Variants in PPFIBP1 observed in about 807,000 individuals in gnomAD.
PPFIBP1 encodes the protein liprin-beta-1.
In PPFIBP1, 112 loss-of-function variants were observed where a neutral mutation model predicts 137.8. That is an observed-to-expected ratio of 0.81 (90% CI 0.70 to 0.95). The LOEUF (loss-of-function observed/expected upper bound fraction) is 0.95. PPFIBP1 is among the 40% of genes least tolerant of loss of function. The pLI is 0.00. For missense variants in PPFIBP1, 1,083 were observed against 1,196.6 expected (o/e 0.91, Z 1.40); for synonymous variants, 378 against 417.3 (o/e 0.91, Z 1.15).
intron 27 of PPFIBP1, among the ~76,000 whole-genome samples, chr12:27,691,171 C>T (rs1288604526): frequency 6.7e-6 from 1 of 149,706 alleles, no homozygotes; most frequent in Non-Finnish European, 1.5e-5. Context: ...TATAGCCTCA[C>T]CCAAAGAAAA....
chr12:27,661,394 C>G lies in PPFIBP1; in HGVS notation c.906+449C>G, dbSNP rs562159222. Among the ~76,000 whole-genome samples the G allele has an allele frequency of 9.2e-5, 14 of 152,284 alleles. No individual in the cohort carries two copies. The South Asian group carries it at 2.9e-3, about 32-fold the overall frequency. On this transcript the variant is annotated intron_variant, in intron 11 of 29. Transcript: ENST00000228425. ...TCACATCTGTGATTGTCTCTGCTCT[C>G]CCGAGAGATTAAATACCAGAAAACA...
chr12:27,594,133 A>C, intron 2 of PPFIBP1: 49 of 624,070 alleles, frequency 7.9e-5, no homozygotes, highest in Non-Finnish European at 9.9e-5. Flanking sequence ...GGAGAAGAGA[A>C]TCATGGTACT....
At chr12:27,593,461 T>C (rs1012743032) in intron 2 of PPFIBP1, 31 of 452,318 alleles carry the variant, frequency 6.9e-5, no homozygotes, top group Non-Finnish European at 1.2e-4. Context: ...AACATCTTTA[T>C]TTTCTGGTGG....
intron 4 of PPFIBP1, among the ~76,000 whole-genome samples, chr12:27,639,895 A>G (rs755908815): frequency 1.3e-5 from 2 of 152,088 alleles, no homozygotes; most frequent in African/African-American, 2.4e-5. Context: ...TCCCAGCCCC[A>G]CGAAGCAGTC....
intron 1 of PPFIBP1, among the ~76,000 whole-genome samples, chr12:27,540,709 T>C (rs1476831573): frequency 6.6e-6 from 1 of 152,222 alleles, no homozygotes; most frequent in Non-Finnish European, 1.5e-5. Flanking sequence ...GTTAGCACAG[T>C]GATGTTCTCA....
At chr12:27,538,726 A>C (rs1377392858) in intron 1 of PPFIBP1, among the ~76,000 whole-genome samples, 1 of 152,240 alleles carries the variant, frequency 6.6e-6, no homozygotes, top group East Asian at 1.9e-4. Context: ...AAGATGCCCC[A>C]GCTAGAAAAT....
chr12:27,527,023 C>G (rs1943834127), intron 1 of PPFIBP1, among the ~76,000 whole-genome samples: 1 of 152,036 alleles, frequency 6.6e-6, no homozygotes, highest in African/African-American at 2.4e-5. Context: ...TTTTGTAGCT[C>G]CCTGTTCCAC....
chr12:27,690,523 G>A (rs1275496613), intron 27 of PPFIBP1, among the ~76,000 whole-genome samples: 1 of 152,208 alleles, frequency 6.6e-6, no homozygotes, highest in Admixed American at 6.5e-5. Context: ...GATCACCTGA[G>A]TCCAGTAGTT....
rs112819458 is a variant in PPFIBP1, at chr12:27,673,876, A to G, written c.1380+49A>G. 4 of 1,452,884 alleles carry G rather than the reference A, an allele frequency of 2.8e-6. No homozygotes were observed. In the East Asian group the frequency reaches 9.1e-5, roughly 33 times the overall value. 90.0% of individuals were successfully genotyped at this position (1,452,884 alleles called of 1,614,324 possible). A position where few individuals can be genotyped will look rare whatever the true frequency, so the allele number is the denominator to read the frequency against. On this transcript the variant is annotated intron_variant, in intron 16 of 29. Transcript: ENST00000228425. ...TTTTTGTCTGTTATCCTGAGAAAAAACTATTTAGGGATCTTCATCTTTTCC... is the reference window on the plus strand; with the variant it reads ...TTTTTGTCTGTTATCCTGAGAAAAAGCTATTTAGGGATCTTCATCTTTTCC...
chr12:27,601,788 C>G (rs1047436016), intron 2 of PPFIBP1, among the ~76,000 whole-genome samples: 1 of 152,194 alleles, frequency 6.6e-6, no homozygotes, highest in Non-Finnish European at 1.5e-5. Flanking sequence ...ATGAACACAA[C>G]TTACAGACTG....
chr12:27,664,912 G>T (rs2059769209), intron 12 of PPFIBP1, among the ~76,000 whole-genome samples: 1 of 152,166 alleles, frequency 6.6e-6, no homozygotes, highest in Non-Finnish European at 1.5e-5. Context: ...CAGTGGTCAG[G>T]CGTGGTGGCC....
At chr12:27,628,497 ATTTTC>A (rs1197557069) in intron 2 of PPFIBP1, among the ~76,000 whole-genome samples, 7 of 152,124 alleles carry the variant, frequency 4.6e-5, no homozygotes, top group Non-Finnish European at 8.8e-5. Flanking sequence ...TGAAGTTGTA[ATTTTC>A]TAAGGGGTTT....
chr12:27,593,817 G>T, intron 2 of PPFIBP1: 1 of 1,203,932 alleles, frequency 8.3e-7, no homozygotes, highest in Non-Finnish European at 1.1e-6. Context: ...TCCTGAATTT[G>T]GTATTGTCTC....
chr12:27,685,265 ATG>A (rs1188433655), intron 24 of PPFIBP1, among the ~76,000 whole-genome samples: 2 of 150,430 alleles, frequency 1.3e-5, no homozygotes, highest in African/African-American at 2.4e-5. Context: ...GTTTGTATAT[ATG>A]TGTGTGTGTA....
intron 1 of PPFIBP1, among the ~76,000 whole-genome samples, chr12:27,536,359 T>C (rs57563323): frequency 0.17 from 25,299 of 152,208 alleles, 2,367 homozygotes; most frequent in Middle Eastern, 0.26. Context: ...GGCTCACGGT[T>C]CTGCAGGCTG....
At chr12:27,646,009 G>A (rs966520985) in intron 4 of PPFIBP1, 53 bp from the exon 5 acceptor site, 32 of 1,298,494 alleles carry the variant, frequency 2.5e-5, no homozygotes, top group East Asian at 7.1e-5. Flanking sequence ...ATTTATCTAC[G>A]ATATATCATT....
intron 2 of PPFIBP1, among the ~76,000 whole-genome samples, chr12:27,611,284 G>A (rs750200022): frequency 6.6e-6 from 1 of 152,174 alleles, no homozygotes; most frequent in Non-Finnish European, 1.5e-5. Context: ...TATTGGAAAG[G>A]TTGGGTCCTT....
At chr12:27,596,972 C>T (rs1487273928) in intron 2 of PPFIBP1, among the ~76,000 whole-genome samples, 5 of 152,184 alleles carry the variant, frequency 3.3e-5, no homozygotes, top group Non-Finnish European at 7.3e-5. Context: ...GCTGACCACC[C>T]ACCTCCTCCC....
chr12:27,535,831 C>T (rs1944937295), intron 1 of PPFIBP1, among the ~76,000 whole-genome samples: 1 of 152,198 alleles, frequency 6.6e-6, no homozygotes, highest in Non-Finnish European at 1.5e-5. Context: ...TATTTCACTT[C>T]TTGACATGTG....
Sources: gnomAD v4.1 joint callset for allele counts (sites outside exome capture counted in the v4.1 genomes callset) on GRCh38, gnomAD v4.1.1 for gene constraint, MANE v1.5 for transcripts, NCBI Gene and HGNC (gene_info 2026-07-23, HGNC 2026-07-21) for gene names.